Variants in SMG7 observed in about 807,000 individuals in gnomAD.
SMG7 encodes the protein SMG7 nonsense mediated mRNA decay factor.
Under a neutral mutation model 148.2 loss-of-function variants are expected in SMG7, and 34 were observed. The ratio of observed to expected loss-of-function variants is 0.23; its 90% CI spans 0.17 to 0.31. The LOEUF (loss-of-function observed/expected upper bound fraction) is 0.31, where lower values mean the gene tolerates loss of function less well. SMG7 is among the 10% of genes least tolerant of loss of function. The pLI is 1.00. For missense variants in SMG7, 1,114 were observed against 1,408.4 expected (o/e 0.79, Z 3.35); for synonymous variants, 492 against 515.1 (o/e 0.96, Z 0.61).
intron 8 of SMG7, among the ~76,000 whole-genome samples, chr1:183,532,939 T>G (rs1465895136): frequency 6.6e-6 from 1 of 152,240 alleles, no homozygotes; most frequent in Non-Finnish European, 1.5e-5. Context: ...GATAAACAAT[T>G]CAAACAACTC....
intron 1 of SMG7, among the ~76,000 whole-genome samples, chr1:183,499,075 GTTCAT>G (rs1263401203): frequency 6.6e-6 from 1 of 152,116 alleles, no homozygotes; most frequent in Non-Finnish European, 1.5e-5. Context: ...TGGTTTGATA[GTTCAT>G]TTCTTTTTAG....
At chr1:183,541,956 T>C (rs1231739730) in intron 13 of SMG7, 120 bp from the exon 14 acceptor site, 2 of 808,196 alleles carry the variant, frequency 2.5e-6, no homozygotes, top group Middle Eastern at 3.7e-4. Context: ...CACATTGTTA[T>C]ATCCTGCTGT....
intron 1 of SMG7, among the ~76,000 whole-genome samples, chr1:183,500,067 A>C (rs1297389436): frequency 6.6e-6 from 1 of 152,184 alleles, no homozygotes; most frequent in African/African-American, 2.4e-5. Context: ...TTGTTTTGGC[A>C]TACCTTGTTT....
intron 4 of SMG7, among the ~76,000 whole-genome samples, chr1:183,521,875 G>A (rs1413837084): frequency 1.5e-5 from 2 of 132,582 alleles, no homozygotes; most frequent in Non-Finnish European, 3.3e-5. Flanking sequence ...AAAAAAAAAA[G>A]AAGGAGTTGC....
intron 1 of SMG7, among the ~76,000 whole-genome samples, chr1:183,501,834 C>T (rs529832128): frequency 5.9e-5 from 9 of 152,254 alleles, no homozygotes; most frequent in Non-Finnish European, 1.2e-4. Flanking sequence ...ATTCATACTA[C>T]CTATAATTGT....
In SMG7 at chr1:183,491,501, A is replaced by G. The variant is rs764854456; in HGVS notation, c.29+18852A>G. On this transcript the variant is annotated intron_variant, in intron 1 of 22. Transcript: ENST00000688051. ...TAAATGTGTGCATGTGCATGTATAG[A>G]ATGTTACATACATGCACATATATAT... Among the ~76,000 whole-genome samples the G allele has an allele frequency of 2.0e-5, 3 of 152,274 alleles. No homozygotes were observed. In the South Asian group the frequency reaches 6.2e-4, roughly 32 times the overall value.
intron 4 of SMG7, among the ~76,000 whole-genome samples, chr1:183,521,637 T>C (rs1664787093): frequency 6.6e-6 from 1 of 152,036 alleles, no homozygotes; most frequent in Non-Finnish European, 1.5e-5. Context: ...CCTGACACTT[T>C]GGGAAGCTGA....
chr1:183,551,823 C>A lies in SMG7; in HGVS notation c.3456C>A (p.Ile1152=). Residue 1152 remains isoleucine, a synonymous_variant, in exon 23 of 23, where the codon ATC becomes ATA. Transcript: ENST00000688051. ...SAVLMESLKS[I]WSSSMMHPGP... The stretch of plus-strand genomic sequence containing the variant: ...AGATCTGGACTGTTTTTCAGTCTAT[C>A]TGGTCCAGTTCCATGATGCATCCTG... 1 of 1,608,800 alleles carries A rather than the reference C, an allele frequency of 6.2e-7. No individual in the cohort carries two copies. Among genetic ancestry groups the A allele is most frequent in the Non-Finnish European group, 8.5e-7 (1 of 1,176,606 alleles).
rs1344967838 is a variant in SMG7 at position 183,552,026 on chromosome 1, T to G, written c.*95T>G. On this transcript the variant is annotated 3_prime_UTR_variant, in exon 23 of 23. Transcript: ENST00000688051. ...CACAGTCCCCTGCAGGTGGCAGCCC[T>G]CTTTTCTGTTTCTCGCTGTCAAGAG... The G allele has an allele frequency of 1.8e-5, 26 of 1,417,884 alleles. No homozygotes were observed. The highest frequency in any genetic ancestry group is 7.5e-5 in the Admixed American group (3 of 39,768). The allele number at this position is 1,417,884 out of a possible 1,614,324, so 87.8% of individuals were successfully genotyped here.
intron 12 of SMG7, among the ~76,000 whole-genome samples, chr1:183,540,369 C>CT (rs1668599301): frequency 6.6e-6 from 1 of 151,360 alleles, no homozygotes; most frequent in Non-Finnish European, 1.5e-5. Flanking sequence ...TCTTATTTAT[C>CT]TTTGTGTCCT....
intron 5 of SMG7, 85 bp downstream of exon 5, chr1:183,526,852 G>A (rs941357043): frequency 4.0e-5 from 44 of 1,107,374 alleles, no homozygotes; most frequent in Non-Finnish European, 4.8e-5. Flanking sequence ...TCCTTTAAGC[G>A]GAGCATACAC....
intron 1 of SMG7, among the ~76,000 whole-genome samples, chr1:183,485,241 A>G (rs931227152): frequency 2.6e-5 from 4 of 152,178 alleles, no homozygotes; most frequent in Non-Finnish European, 4.4e-5. Flanking sequence ...TTATTTGCTT[A>G]GGATTGTATG....
At chr1:183,543,400 A>G (rs1182447481) in intron 14 of SMG7, among the ~76,000 whole-genome samples, 1 of 152,118 alleles carries the variant, frequency 6.6e-6, no homozygotes, top group African/African-American at 2.4e-5. Flanking sequence ...TAATAGTTCC[A>G]TTTTAACATT....
intron 1 of SMG7, among the ~76,000 whole-genome samples, chr1:183,498,506 TAAAACAA>T (rs1041426047): frequency 5.2e-4 from 79 of 152,286 alleles, no homozygotes; most frequent in African/African-American, 1.8e-3. Flanking sequence ...CAATAGAGTT[TAAAACAA>T]AAAACAAAAA....
intron 1 of SMG7, among the ~76,000 whole-genome samples, chr1:183,510,407 A>AT (rs1290701961): frequency 1.0e-4 from 15 of 150,584 alleles, no homozygotes; most frequent in East Asian, 9.7e-4. Flanking sequence ...GCAAATATGT[A>AT]TTTTTTTTTA....
Position 183,552,597 on chromosome 1 carries a change from T to C in SMG7, c.*666T>C, listed in dbSNP as rs1418732620. The C allele has an allele frequency of 2.9e-6, 3 of 1,021,922 alleles. No homozygotes were observed. Among genetic ancestry groups the C allele is most frequent in the East Asian group, 1.8e-4 (2 of 10,926 alleles). 63.3% of individuals were successfully genotyped at this position (1,021,922 alleles called of 1,614,324 possible). On this transcript the variant is annotated 3_prime_UTR_variant, in exon 23 of 23. Coordinates refer to ENST00000688051, the MANE Select transcript of SMG7 (RefSeq NM_001375584.1). ...GCCTGTCAGAAGGCTCTGGTAGGCC[T>C]TCCTCTGGCCAGGAGACTCCAGCAG...
chr1:183,472,932 G>A (rs115649277), intron 1 of SMG7: 1 of 380,848 alleles, frequency 2.6e-6, no homozygotes, highest in Admixed American at 4.5e-5. Flanking sequence ...TTGGTCTCGG[G>A]TTTGCTAGCG....
intron 11 of SMG7, 43 bp downstream of exon 11, chr1:183,537,258 T>TCATTAAGCCAC: frequency 7.3e-7 from 1 of 1,366,762 alleles, no homozygotes; most frequent in Non-Finnish European, 1.0e-6. Flanking sequence ...TGGTTCTCCA[T>TCATTAAGCCAC]CATTAATGGT....
intron 1 of SMG7, among the ~76,000 whole-genome samples, chr1:183,479,029 G>A (rs1653397087): frequency 6.6e-6 from 1 of 152,110 alleles, no homozygotes. Context: ...TGGAATTTTG[G>A]CAGGTATGTC....
Sources: allele counts gnomAD v4.1 joint callset (sites outside exome capture counted in the v4.1 genomes callset), GRCh38; gene constraint gnomAD v4.1.1; transcripts MANE v1.5; gene names NCBI Gene and HGNC (gene_info 2026-07-23, HGNC 2026-07-21).